The following AOPEP variants were observed in gnomAD, a reference collection of about 807,000 sequenced individuals.
AOPEP encodes the protein aminopeptidase O (putative).
In AOPEP, 77 loss-of-function variants were observed where a neutral mutation model predicts 98.1. The observed-to-expected ratio is 0.78, with a 90% confidence interval of 0.65 to 0.95. AOPEP has a LOEUF of 0.95. Ranked by LOEUF, AOPEP falls within the 40% of genes least tolerant of loss-of-function variation. The probability of loss-of-function intolerance (pLI) is 0.00; values close to 1 mark genes in which losing one functional copy is unlikely to be tolerated. For missense variants in AOPEP, 1,024 were observed against 1,024.7 expected, an observed-to-expected ratio of 1.00 and a Z score of 0.01; for synonymous variants, 346 against 365.3, an observed-to-expected ratio of 0.95 and a Z score of 0.60.
rs1056281676 is a variant in AOPEP, at chr9:95,009,431, A to G, written c.2115+3815A>G. On this transcript the variant is annotated intron_variant, in intron 13 of 16. Coordinates refer to ENST00000375315, the MANE Select transcript of AOPEP (RefSeq NM_001193329.3). The stretch of plus-strand genomic sequence containing the variant: ...GATTCCTTTAGAGGAAGAAAATTTC[A>G]ATTTTCAGATTCAAAGGAAGCACCC... 3.9e-5 allele frequency among the ~76,000 whole-genome samples: 6 copies of G among 152,296 alleles called. No individual in the cohort carries two copies. In the East Asian group the frequency reaches 7.7e-4, roughly 20 times the overall value.
the AOPEP span, among the ~76,000 whole-genome samples, chr9:95,108,061 T>C: frequency 8.1e-3 from 1,233 of 152,344 alleles, 15 homozygotes; most frequent in African/African-American, 0.028. Context: ...TGAACAGCTA[T>C]GTTCCATCAC....
At chr9:94,961,921 T>C (rs1322859852) in intron 9 of AOPEP, among the ~76,000 whole-genome samples, 2 of 152,252 alleles carry the variant, frequency 1.3e-5, no homozygotes, top group Non-Finnish European at 1.5e-5. Context: ...TCGTTTATTC[T>C]CATATGTATT....
the AOPEP span, chr9:95,100,553 C>G: frequency 4.3e-6 from 1 of 231,602 alleles, no homozygotes; most frequent in Non-Finnish European, 8.5e-6. Context: ...AATGTACAAC[C>G]AATACAATTC....
intron 5 of AOPEP, among the ~76,000 whole-genome samples, chr9:94,878,785 G>A (rs1194955890): frequency 1.3e-5 from 2 of 152,182 alleles, no homozygotes; most frequent in African/African-American, 4.8e-5. Context: ...GATACCATTT[G>A]TTCTTTCAGC....
chr9:95,022,764 CAAG>C (rs2133212921), intron 13 of AOPEP, among the ~76,000 whole-genome samples: 1 of 152,248 alleles, frequency 6.6e-6, no homozygotes, highest in African/African-American at 2.4e-5. Context: ...TTTTACTTCC[CAAG>C]AAGTTTTTTG....
intron 5 of AOPEP, among the ~76,000 whole-genome samples, chr9:94,828,700 A>G (rs1855207054): frequency 6.6e-6 from 1 of 152,110 alleles, no homozygotes; most frequent in Admixed American, 6.5e-5. Flanking sequence ...CTGTTAAAAA[A>G]GCAAACAGAC....
intron 1 of AOPEP, among the ~76,000 whole-genome samples, chr9:94,752,272 A>G (rs1461989558): frequency 6.6e-6 from 1 of 152,028 alleles, no homozygotes; most frequent in Non-Finnish European, 1.5e-5. Context: ...GGCCAATGTG[A>G]TCAACTGAAG....
At chr9:95,091,006 C>T (rs2070859378), downstream of AOPEP, among the ~76,000 whole-genome samples, 1 of 152,142 alleles carries the variant, frequency 6.6e-6, no homozygotes, top group African/African-American at 2.4e-5. Context: ...GGCTTCCCTC[C>T]ACCTCGATTC....
intron 7 of AOPEP, among the ~76,000 whole-genome samples, chr9:94,943,427 C>T (rs1010208768): frequency 1.3e-5 from 2 of 150,614 alleles, no homozygotes; most frequent in Non-Finnish European, 3.0e-5. Context: ...AACCCCGTCT[C>T]TACTGAAAAC....
Position 94,902,403 on chromosome 9 carries a change from A to C in AOPEP, c.1365-21583A>C, listed in dbSNP as rs2050534025. On this transcript the variant is annotated intron_variant, in intron 5 of 16. Coordinates refer to ENST00000375315, the MANE Select transcript of AOPEP (RefSeq NM_001193329.3). ...CAGTTTACTGCGGGGGTGAGACAGC[A>C]GCTGTTTTAACATCTCCCCCAATAC... Among the ~76,000 whole-genome samples, 3 of 152,164 alleles carry C rather than the reference A, an allele frequency of 2.0e-5. No homozygotes were observed. In the South Asian group the frequency reaches 6.2e-4, roughly 32 times the overall value.
In AOPEP at chr9:94,819,571, G is replaced by A. The variant is rs73654294; in HGVS notation, c.1364+18569G>A. Among the ~76,000 whole-genome samples the A allele has an allele frequency of 6.6e-3, 1,011 of 152,194 alleles. 8 individuals carry two copies. The highest frequency in any genetic ancestry group is 0.023 in the African/African-American group (971 of 41,516). On this transcript the variant is annotated intron_variant, in intron 5 of 16. Coordinates refer to ENST00000375315, the MANE Select transcript of AOPEP (RefSeq NM_001193329.3). ...GAATGTCTCAAGACACTTTGCAAAC[G>A]GGATTTTATTGTTTAGTTTTAGGGA... is the stretch of plus-strand genomic sequence containing the variant.
chr9:95,089,256 C>A (rs138297127), downstream of AOPEP, among the ~76,000 whole-genome samples: 1 of 152,202 alleles, frequency 6.6e-6, no homozygotes, highest in South Asian at 2.1e-4. Flanking sequence ...GACCAGTACT[C>A]TTCCATTTTT....
rs529041673 is a variant in AOPEP at position 94,750,295 on chromosome 9, C to T, written c.-135-9354C>T. On this transcript the variant is annotated intron_variant, in intron 1 of 16. Transcript: ENST00000375315. ...CTCTCATTCTTCAGCCAGTAAGACTCCAGGTTTCGGCCAGGTGCAGTGGCT... is the reference window on the plus strand; with the variant it reads ...CTCTCATTCTTCAGCCAGTAAGACTTCAGGTTTCGGCCAGGTGCAGTGGCT... Among the ~76,000 whole-genome samples, 9 of 152,300 alleles carry T rather than the reference C, an allele frequency of 5.9e-5. No homozygotes were observed. In the South Asian group the frequency reaches 1.9e-3, roughly 32 times the overall value.
intron 5 of AOPEP, among the ~76,000 whole-genome samples, chr9:94,842,341 A>G (rs2042367408): frequency 6.6e-6 from 1 of 152,206 alleles, no homozygotes; most frequent in Non-Finnish European, 1.5e-5. Flanking sequence ...AGCTTGGGGG[A>G]CAAAGCGAGA....
chr9:94,804,954 C>T (rs1240605762), intron 5 of AOPEP, among the ~76,000 whole-genome samples: 2 of 152,178 alleles, frequency 1.3e-5, no homozygotes, highest in Non-Finnish European at 2.9e-5. Context: ...TGGAAAAGCA[C>T]TCCGGTCCAC....
At chr9:95,053,081 G>A (rs1286443832) in intron 13 of AOPEP, among the ~76,000 whole-genome samples, 1 of 152,072 alleles carries the variant, frequency 6.6e-6, no homozygotes, top group Non-Finnish European at 1.5e-5. Context: ...CTTTGTTAGA[G>A]CACATGCTTT....
chr9:94,875,250 T>G (rs2046779773), intron 5 of AOPEP, among the ~76,000 whole-genome samples: 1 of 151,112 alleles, frequency 6.6e-6, no homozygotes, highest in Non-Finnish European at 1.5e-5. Context: ...TTTAATTACT[T>G]CACTTCCAGT....
chr9:94,772,279 C>T (rs1189506074), intron 2 of AOPEP, among the ~76,000 whole-genome samples: 1 of 152,192 alleles, frequency 6.6e-6, no homozygotes, highest in Non-Finnish European at 1.5e-5. Flanking sequence ...CTTTGTCAAC[C>T]ATGACTTTAT....
At chr9:94,885,390 A>AAAAAAAAT (rs2048117733) in intron 5 of AOPEP, among the ~76,000 whole-genome samples, 1 of 126,554 alleles carries the variant, frequency 7.9e-6, no homozygotes, top group African/African-American at 3.0e-5. Flanking sequence ...AAAAAAAAAA[A>AAAAAAAAT]GACATTGTGC....
Sources: allele counts gnomAD v4.1 joint callset (sites outside exome capture counted in the v4.1 genomes callset), GRCh38; gene constraint gnomAD v4.1.1; transcripts MANE v1.5; gene names NCBI Gene and HGNC (gene_info 2026-07-23, HGNC 2026-07-21).